The following ARHGAP12 variants were observed in gnomAD, a reference collection of about 807,000 sequenced individuals.
ARHGAP12 encodes rho GTPase-activating protein 12.
Under a neutral mutation model 108.6 loss-of-function variants are expected in ARHGAP12, and 64 were observed. That is an observed-to-expected ratio of 0.59 (90% CI 0.48 to 0.73). The LOEUF (loss-of-function observed/expected upper bound fraction) is 0.73, where lower values mean the gene tolerates loss of function less well. Ranked by LOEUF, ARHGAP12 falls within the 30% of genes least tolerant of loss-of-function variation. The pLI, the probability that ARHGAP12 is intolerant of heterozygous loss-of-function variation, is 0.00. For missense variants in ARHGAP12, 940 were observed against 1,005.9 expected, an observed-to-expected ratio of 0.93 and a Z score of 0.89; for synonymous variants, 312 against 337.2, an observed-to-expected ratio of 0.93 and a Z score of 0.82.
intron 3 of ARHGAP12, among the ~76,000 whole-genome samples, chr10:31,883,558 T>C (rs1013921425): frequency 5.9e-5 from 9 of 152,212 alleles, no homozygotes; most frequent in African/African-American, 2.2e-4. Flanking sequence ...GACCAGAAAC[T>C]ACAGGAAATC....
intron 15 of ARHGAP12, among the ~76,000 whole-genome samples, chr10:31,812,141 C>A (rs1186085452): frequency 1.3e-5 from 2 of 151,696 alleles, no homozygotes; most frequent in Non-Finnish European, 2.9e-5. Context: ...GAAAATTTTA[C>A]CTTTGGAATT....
intron 4 of ARHGAP12, among the ~76,000 whole-genome samples, chr10:31,857,528 T>C (rs1158057674): frequency 1.3e-5 from 2 of 152,160 alleles, no homozygotes; most frequent in Admixed American, 1.3e-4. Context: ...TATATTCAGA[T>C]ACAGCTAAGA....
Position 31,820,371 on chromosome 10 carries a change from G to A in ARHGAP12, c.1632+16C>T. The A allele has an allele frequency of 1.3e-6, 2 of 1,576,162 alleles. No individual in the cohort carries two copies. The highest frequency in any genetic ancestry group is 1.7e-6 in the Non-Finnish European group (2 of 1,157,980). ...TACAGTTTAGAATGTGTTATACTTAGAAAAAAATGTATTACCTCAAATACA... is the reference window on the plus strand; with the variant it reads ...TACAGTTTAGAATGTGTTATACTTAAAAAAAAATGTATTACCTCAAATACA... On this transcript the variant is annotated intron_variant, in intron 12 of 19. Coordinates refer to ENST00000344936, the MANE Select transcript of ARHGAP12 (RefSeq NM_018287.7).
chr10:31,818,209 T>C (rs1402083712), intron 12 of ARHGAP12, among the ~76,000 whole-genome samples: 2 of 152,228 alleles, frequency 1.3e-5, no homozygotes, highest in African/African-American at 4.8e-5. Context: ...TCTGTTCAAG[T>C]ATCAAAGTGG....
At chr10:31,883,189 G>A (rs544421826) in intron 3 of ARHGAP12, among the ~76,000 whole-genome samples, 9 of 152,062 alleles carry the variant, frequency 5.9e-5, no homozygotes, top group South Asian at 4.1e-4. Flanking sequence ...CAGCTACTCC[G>A]GAGGCTGAGG....
At chr10:31,904,208 T>C (rs1362319180) in intron 3 of ARHGAP12, among the ~76,000 whole-genome samples, 1 of 152,238 alleles carries the variant, frequency 6.6e-6, no homozygotes, top group Non-Finnish European at 1.5e-5. Context: ...GGAAACAACC[T>C]AGATATTCTT....
intron 3 of ARHGAP12, among the ~76,000 whole-genome samples, chr10:31,889,034 C>T (rs1292494769): frequency 2.6e-5 from 4 of 152,044 alleles, no homozygotes; most frequent in Admixed American, 2.6e-4. Context: ...CTCAGCCTCC[C>T]TAGTAGCTGG....
intron 3 of ARHGAP12, among the ~76,000 whole-genome samples, chr10:31,886,790 G>T (rs558317736): frequency 6.6e-6 from 1 of 152,042 alleles, no homozygotes; most frequent in Admixed American, 6.6e-5. Flanking sequence ...CTCACAAAAG[G>T]ACTGACACAA....
At chr10:31,836,844 T>A (rs892418528) in intron 9 of ARHGAP12, among the ~76,000 whole-genome samples, 1 of 152,048 alleles carries the variant, frequency 6.6e-6, no homozygotes, top group Non-Finnish European at 1.5e-5. Flanking sequence ...CACAACAGCA[T>A]GGATGGAGCA....
intron 3 of ARHGAP12, among the ~76,000 whole-genome samples, chr10:31,897,775 C>A (rs1159409164): frequency 1.3e-5 from 2 of 152,122 alleles, no homozygotes; most frequent in Non-Finnish European, 2.9e-5. Flanking sequence ...ACAAAGCAAG[C>A]AACAGAATCA....
At chr10:31,915,493 T>C (rs1031804048) in intron 1 of ARHGAP12, among the ~76,000 whole-genome samples, 3 of 151,146 alleles carry the variant, frequency 2.0e-5, no homozygotes, top group East Asian at 1.9e-4. Flanking sequence ...CATAGTCAAA[T>C]AGGAGGAATA....
At chr10:31,912,924 C>A (rs151006190) in intron 1 of ARHGAP12, among the ~76,000 whole-genome samples, 70 of 152,144 alleles carry the variant, frequency 4.6e-4, no homozygotes, top group African/African-American at 1.6e-3. Flanking sequence ...AAATATTAAC[C>A]CCTTGTTAGA....
At chr10:31,853,838 A>G (rs773310953) in intron 5 of ARHGAP12, among the ~76,000 whole-genome samples, 1 of 152,236 alleles carries the variant, frequency 6.6e-6, no homozygotes, top group African/African-American at 2.4e-5. Context: ...GTGTACTCTT[A>G]AAAAGTCTTC....
intron 1 of ARHGAP12, among the ~76,000 whole-genome samples, chr10:31,926,842 A>C (rs905386100): frequency 2.6e-5 from 4 of 152,216 alleles, no homozygotes; most frequent in South Asian, 2.1e-4. Context: ...TTGCACCTCG[A>C]AACAACTGGT....
Position 31,850,295 on chromosome 10 carries a change from A to T in ARHGAP12, c.1170+2222T>A, listed in dbSNP as rs567087228. ...GTTTTCAGTGAACTAAACATTGAGC[A>T]GATTTTTCTTCTGGTTCCTTCAAGT... On this transcript the variant is annotated intron_variant, in intron 6 of 19. Coordinates refer to ENST00000344936, the MANE Select transcript of ARHGAP12 (RefSeq NM_018287.7). Among the ~76,000 whole-genome samples the T allele has an allele frequency of 2.0e-5, 3 of 152,354 alleles. No individual in the cohort carries two copies. The South Asian group carries it at 6.2e-4, about 32-fold the overall frequency.
intron 4 of ARHGAP12, among the ~76,000 whole-genome samples, chr10:31,856,274 A>G (rs1422002350): frequency 6.6e-6 from 1 of 152,112 alleles, no homozygotes; most frequent in Non-Finnish European, 1.5e-5. Context: ...AGCAGAAGAA[A>G]AAAGAGCAGC....
chr10:31,891,754 A>G (rs561826474), intron 3 of ARHGAP12, among the ~76,000 whole-genome samples: 1 of 152,224 alleles, frequency 6.6e-6, no homozygotes, highest in Non-Finnish European at 1.5e-5. Flanking sequence ...ACATAGTCCC[A>G]TATTTCTTGG....
At chr10:31,824,081 C>T (rs1319979161) in intron 11 of ARHGAP12, among the ~76,000 whole-genome samples, 1 of 152,072 alleles carries the variant, frequency 6.6e-6, no homozygotes, top group Non-Finnish European at 1.5e-5. Flanking sequence ...TACGCACTTA[C>T]ATGATTTTTA....
At chr10:31,888,295 A>G (rs1221291224) in intron 3 of ARHGAP12, among the ~76,000 whole-genome samples, 1 of 152,180 alleles carries the variant, frequency 6.6e-6, no homozygotes, top group Non-Finnish European at 1.5e-5. Context: ...AATTCTACCT[A>G]GGCAGTTTGG....
Sources: gnomAD v4.1 joint callset for allele counts (sites outside exome capture counted in the v4.1 genomes callset) on GRCh38, gnomAD v4.1.1 for gene constraint, MANE v1.5 for transcripts, NCBI Gene and HGNC (gene_info 2026-07-23, HGNC 2026-07-21) for gene names.